PLA2G4A: variants seen among roughly 807,000 people sequenced by gnomAD.
PLA2G4A encodes cytosolic phospholipase A2.
In PLA2G4A, 40 loss-of-function variants were observed where a neutral mutation model predicts 81.9. That is an observed-to-expected ratio of 0.49 (90% CI 0.38 to 0.64). The LOEUF (loss-of-function observed/expected upper bound fraction) is 0.64, where lower values mean the gene tolerates loss of function less well. PLA2G4A is among the 30% of genes least tolerant of loss of function. The probability of loss-of-function intolerance (pLI) is 0.00; values close to 1 mark genes in which losing one functional copy is unlikely to be tolerated. For missense variants in PLA2G4A, 715 were observed against 905.1 expected, an observed-to-expected ratio of 0.79 and a Z score of 2.69; for synonymous variants, 302 against 296.9, an observed-to-expected ratio of 1.02 and a Z score of -0.18.
chr1:186,842,614 G>A (rs531640109), intron 1 of PLA2G4A, among the ~76,000 whole-genome samples: 1 of 152,270 alleles, frequency 6.6e-6, no homozygotes, highest in East Asian at 1.9e-4. Context: ...AATTTGACTA[G>A]TGTCCTTAAA....
intron 3 of PLA2G4A, among the ~76,000 whole-genome samples, chr1:186,879,276 C>T (rs535516688): frequency 1.3e-5 from 2 of 151,818 alleles, no homozygotes; most frequent in African/African-American, 2.4e-5. Flanking sequence ...AAAATGACAA[C>T]GTTGAGATTT....
At chr1:186,955,837 G>A (rs12136279) in intron 13 of PLA2G4A, among the ~76,000 whole-genome samples, 142,731 of 149,040 alleles carry the variant, frequency 0.96, 68,385 homozygotes, top group East Asian at 1. Flanking sequence ...GGGTTCAAGC[G>A]ATTCTCCTGC....
At chr1:186,874,880 G>A (rs1653411545) in intron 3 of PLA2G4A, among the ~76,000 whole-genome samples, 1 of 152,030 alleles carries the variant, frequency 6.6e-6, no homozygotes, top group South Asian at 2.1e-4. Flanking sequence ...GTGCCTGTAG[G>A]TAAATGATAT....
intron 10 of PLA2G4A, among the ~76,000 whole-genome samples, chr1:186,940,939 A>T (rs764867487): frequency 1.3e-5 from 2 of 152,068 alleles, no homozygotes; most frequent in Admixed American, 6.6e-5. Flanking sequence ...AAATCTCAGG[A>T]GTGAACACTT....
At chr1:186,846,793 T>C (rs1438756419) in intron 1 of PLA2G4A, among the ~76,000 whole-genome samples, 2 of 152,146 alleles carry the variant, frequency 1.3e-5, no homozygotes, top group African/African-American at 4.8e-5. Flanking sequence ...ATAGCTATTT[T>C]GTCGTGGCCC....
At chr1:186,880,063 G>A (rs1653672715) in intron 3 of PLA2G4A, among the ~76,000 whole-genome samples, 1 of 151,952 alleles carries the variant, frequency 6.6e-6, no homozygotes, top group Non-Finnish European at 1.5e-5. Flanking sequence ...GAATCACAGA[G>A]CTGTTATGTT....
chr1:186,870,320 GT>G, intron 2 of PLA2G4A, 114 bp from the exon 3 acceptor site: 1 of 717,568 alleles, frequency 1.4e-6, no homozygotes, highest in Non-Finnish European at 2.6e-6. Context: ...ATCAAAGAAT[GT>G]TTCTGGTATG....
chr1:186,876,899 T>C (rs1653520901), intron 3 of PLA2G4A, among the ~76,000 whole-genome samples: 1 of 152,068 alleles, frequency 6.6e-6, no homozygotes, highest in African/African-American at 2.4e-5. Context: ...GCAGCCTCAG[T>C]CCTCTCACCT....
chr1:186,935,034 A>G (rs1571416925), intron 8 of PLA2G4A, among the ~76,000 whole-genome samples: 1 of 152,108 alleles, frequency 6.6e-6, no homozygotes, highest in Non-Finnish European at 1.5e-5. Flanking sequence ...CTTCATAGAT[A>G]AAAAGAAAAT....
chr1:186,893,995 T>G (rs1654242574), intron 4 of PLA2G4A, 103 bp from the exon 5 acceptor site: 1 of 711,194 alleles, frequency 1.4e-6, no homozygotes, highest in Non-Finnish European at 2.6e-6. Context: ...CTCTTAAATA[T>G]CATTTGAGAG....
intron 17 of PLA2G4A, among the ~76,000 whole-genome samples, chr1:186,985,688 A>G (rs1657870296): frequency 6.6e-6 from 1 of 152,034 alleles, no homozygotes; most frequent in African/African-American, 2.4e-5. Context: ...GATTTAAGAG[A>G]TCTGGTTCAA....
intron 1 of PLA2G4A, among the ~76,000 whole-genome samples, chr1:186,835,245 C>A (rs779850851): frequency 1.3e-5 from 2 of 152,042 alleles, no homozygotes; most frequent in African/African-American, 4.8e-5. Context: ...GATGTTCACC[C>A]CTTATGGAAA....
chr1:186,901,382 G>A (rs944952445), intron 5 of PLA2G4A, among the ~76,000 whole-genome samples: 1 of 152,128 alleles, frequency 6.6e-6, no homozygotes, highest in African/African-American at 2.4e-5. Context: ...GGATTCCTCT[G>A]TTGGATGGTA....
At chr1:186,917,633 A>T (rs1655186440) in intron 7 of PLA2G4A, among the ~76,000 whole-genome samples, 1 of 152,142 alleles carries the variant, frequency 6.6e-6, no homozygotes, top group Non-Finnish European at 1.5e-5. Flanking sequence ...GAGCTGATTC[A>T]TAAGGGCAGT....
intron 2 of PLA2G4A, among the ~76,000 whole-genome samples, chr1:186,862,127 A>G (rs1200069900): frequency 1.3e-5 from 2 of 150,954 alleles, no homozygotes; most frequent in Non-Finnish European, 3.0e-5. Context: ...TGGTTTTCTG[A>G]TTGCCTTTTT....
intron 12 of PLA2G4A, among the ~76,000 whole-genome samples, chr1:186,950,179 T>C (rs1571433932): frequency 6.6e-6 from 1 of 152,236 alleles, no homozygotes; most frequent in East Asian, 1.9e-4. Context: ...GAATTTCAAC[T>C]GACAATTTTC....
intron 7 of PLA2G4A, among the ~76,000 whole-genome samples, chr1:186,915,386 A>G (rs774492601): frequency 2.6e-5 from 4 of 152,162 alleles, no homozygotes; most frequent in Non-Finnish European, 4.4e-5. Context: ...TTGTAACTGT[A>G]TGATTCGGTT....
chr1:186,837,022 G>T (rs1417538237), intron 1 of PLA2G4A, among the ~76,000 whole-genome samples: 1 of 152,112 alleles, frequency 6.6e-6, no homozygotes, highest in Non-Finnish European at 1.5e-5. Flanking sequence ...GCAGAGAGTG[G>T]CATTCGTTAA....
chr1:186,857,170 T>TATC (rs1652602528), intron 2 of PLA2G4A, among the ~76,000 whole-genome samples: 1 of 67,934 alleles, frequency 1.5e-5, no homozygotes, highest in Non-Finnish European at 2.6e-5. Context: ...ATAATATAAT[T>TATC]ATATAATATG....
Sources: allele counts gnomAD v4.1 joint callset (sites outside exome capture counted in the v4.1 genomes callset), GRCh38; gene constraint gnomAD v4.1.1; transcripts MANE v1.5; gene names NCBI Gene and HGNC (gene_info 2026-07-23, HGNC 2026-07-21).